SYNJ1: variants seen among roughly 807,000 people sequenced by gnomAD.
SYNJ1 encodes the protein polyphosphatidylinositol phosphatase SYNJ1.
A neutral mutation model predicts 168.2 loss-of-function variants in SYNJ1; 78 were observed. The ratio of observed to expected loss-of-function variants is 0.46; its 90% CI spans 0.39 to 0.56. The LOEUF is 0.56. Ranked by LOEUF, SYNJ1 falls within the 20% of genes least tolerant of loss-of-function variation. The probability of loss-of-function intolerance (pLI) is 0.00; values close to 1 mark genes in which losing one functional copy is unlikely to be tolerated. For synonymous variants in SYNJ1, 539 were observed against 548.6 expected, an observed-to-expected ratio of 0.98 and a Z score of 0.24; for missense variants, 1,303 against 1,597.6, an observed-to-expected ratio of 0.82 and a Z score of 3.14.
intron 6 of SYNJ1, among the ~76,000 whole-genome samples, chr21:32,692,325 C>G (rs1184068543): frequency 6.6e-6 from 1 of 152,106 alleles, no homozygotes; most frequent in Non-Finnish European, 1.5e-5. Context: ...GCCTGTAATC[C>G]CAGTCCTTTG....
At chr21:32,638,041 C>T (rs527440159) in intron 31 of SYNJ1, among the ~76,000 whole-genome samples, 1 of 152,198 alleles carries the variant, frequency 6.6e-6, no homozygotes, top group African/African-American at 2.4e-5. Context: ...TCAGATCTTT[C>T]CAAAGTGTAA....
rs939988492 is a variant in SYNJ1, at chr21:32,639,922, A to G, written c.3589-143T>C. 3 of 636,636 alleles carry G rather than the reference A, an allele frequency of 4.7e-6. No homozygotes were observed. The African/African-American group carries it at 5.5e-5, about 12-fold the overall frequency. The allele number at this position is 636,636 out of a possible 1,614,324, so 39.4% of individuals were successfully genotyped here. On this transcript the variant is annotated intron_variant, in intron 29 of 32. Transcript: ENST00000674351. ...GTCATTTTAAGTGCTCTCTACTTGA[A>G]GCCATTATAATGATGAATTTTAAAA...
At position 32,671,419 on chromosome 21, in the gene SYNJ1, A is replaced by T. The variant is rs111625850; in HGVS notation, c.1727-1047T>A. Reference sequence around the variant, plus strand: ...CTCATGCATACATCATCTTATTTAAACTGCCATAAAAACATCTTCTAAGAA... The same window carrying T: ...CTCATGCATACATCATCTTATTTAATCTGCCATAAAAACATCTTCTAAGAA... On this transcript the variant is annotated intron_variant, in intron 14 of 32. Transcript: ENST00000674351. Among the ~76,000 whole-genome samples, 114 of 152,350 alleles carry T rather than the reference A, an allele frequency of 7.5e-4. 1 individual carries two copies. The highest frequency in any genetic ancestry group is 2.6e-3 in the African/African-American group (109 of 41,586).
chr21:32,681,420 T>G, intron 11 of SYNJ1, 76 bp downstream of exon 11: 1 of 1,468,718 alleles, frequency 6.8e-7, no homozygotes, highest in Non-Finnish European at 9.1e-7. Context: ...TATTAACTTT[T>G]AAAAGGCCAT....
chr21:32,693,495 G>A (rs2146157786), intron 6 of SYNJ1, among the ~76,000 whole-genome samples: 2 of 152,226 alleles, frequency 1.3e-5, no homozygotes, highest in Middle Eastern at 6.8e-3. Context: ...AAGAGATCCA[G>A]CAGTCAAATA....
intron 6 of SYNJ1, among the ~76,000 whole-genome samples, chr21:32,692,111 C>CA (rs1460270567): frequency 6.6e-6 from 1 of 152,176 alleles, no homozygotes; most frequent in Non-Finnish European, 1.5e-5. Context: ...AACCTTAACT[C>CA]AGAGGATAGT....
chr21:32,634,388 T>C (rs2039469638), intron 32 of SYNJ1, among the ~76,000 whole-genome samples: 1 of 152,310 alleles, frequency 6.6e-6, no homozygotes, highest in East Asian at 1.9e-4. Flanking sequence ...GTTATACTGG[T>C]AACTTTCATC....
chr21:32,704,603 G>C (rs963339898), intron 2 of SYNJ1, among the ~76,000 whole-genome samples: 2 of 152,134 alleles, frequency 1.3e-5, no homozygotes, highest in African/African-American at 4.8e-5. Context: ...GGTGAGGAGA[G>C]GACTGTCCAC....
At position 32,726,775 on chromosome 21, in the gene SYNJ1, G is replaced by A. The variant is rs745374780; in HGVS notation, c.121C>T (p.Leu41Phe). 3.7e-6 allele frequency: 6 copies of A among 1,614,120 alleles called. No homozygotes were observed. In the South Asian group the frequency reaches 5.5e-5, roughly 15 times the overall value. The change falls in exon 2 of 33, where the codon CTC (leucine) becomes TTC (phenylalanine). Residue 41 changes from leucine (L) to phenylalanine (F), a missense_variant. Coordinates refer to ENST00000674351, the MANE Select transcript of SYNJ1 (RefSeq NM_203446.3). ...LMFESGAVAV[L>F]SSAEKEAIKG... ...TGGGCTCTAACAGATGACTTACAGAGCACAGCGACAGCCCCAGACTCGAAC... is the reference window on the plus strand; with the variant it reads ...TGGGCTCTAACAGATGACTTACAGAACACAGCGACAGCCCCAGACTCGAAC...
chr21:32,720,061 G>C (rs954380414), intron 2 of SYNJ1, among the ~76,000 whole-genome samples: 5 of 152,068 alleles, frequency 3.3e-5, no homozygotes, highest in Admixed American at 6.6e-5. Context: ...CCAACATGGA[G>C]AAACCCCGTC....
chr21:32,679,661 A>G (rs2041547808), intron 11 of SYNJ1, among the ~76,000 whole-genome samples: 1 of 152,154 alleles, frequency 6.6e-6, no homozygotes, highest in Admixed American at 6.5e-5. Flanking sequence ...ATAAAGAGCC[A>G]ATTTTCTTAA....
Position 32,721,680 on chromosome 21 carries a change from G to GA in SYNJ1, c.124+5091dup, listed in dbSNP as rs79791733. ...GGTGACAGAGCAAGACTCCATCTTG[G>GA]AAAAAAAAAAAAAGTAATTTTGAAA... is the stretch of plus-strand genomic sequence containing the variant. On this transcript the variant is annotated intron_variant, in intron 2 of 32. Transcript: ENST00000674351. Among the ~76,000 whole-genome samples, 559 of 135,456 alleles carry GA rather than the reference G, an allele frequency of 4.1e-3. 1 individual carries two copies. Among genetic ancestry groups the GA allele is most frequent in the Admixed American group, 6.3e-3 (86 of 13,606 alleles). 88.9% of individuals were successfully genotyped at this position (135,456 alleles called of 152,430 possible).
Position 32,696,339 on chromosome 21 carries a change from C to A in SYNJ1, c.480-1057G>T, listed in dbSNP as rs2042213449. Among the ~76,000 whole-genome samples the A allele has an allele frequency of 2.6e-5, 4 of 152,194 alleles. No homozygotes were observed. The South Asian group carries it at 8.3e-4, about 32-fold the overall frequency. ...GGTTTCCAAACTTTTTTCAGAGAAA[C>A]AAATTTTATTCAAACAAACATGCAG... On this transcript the variant is annotated intron_variant, in intron 4 of 32. Coordinates refer to ENST00000674351, the MANE Select transcript of SYNJ1 (RefSeq NM_203446.3).
At chr21:32,726,389 GATA>G (rs910734374) in intron 2 of SYNJ1, among the ~76,000 whole-genome samples, 5 of 152,096 alleles carry the variant, frequency 3.3e-5, no homozygotes, top group East Asian at 1.9e-4. Flanking sequence ...AACAATATTG[GATA>G]ATATTAGATA....
At chr21:32,714,056 C>T (rs1425526466) in intron 2 of SYNJ1, among the ~76,000 whole-genome samples, 2 of 152,080 alleles carry the variant, frequency 1.3e-5, no homozygotes, top group African/African-American at 2.4e-5. Flanking sequence ...ATATATCAAG[C>T]TGTATGTTTA....
chr21:32,720,447 A>C (rs2043179648), intron 2 of SYNJ1, among the ~76,000 whole-genome samples: 1 of 152,218 alleles, frequency 6.6e-6, no homozygotes, highest in Non-Finnish European at 1.5e-5. Context: ...AAGATCTCAG[A>C]ATATCATCCT....
intron 2 of SYNJ1, among the ~76,000 whole-genome samples, chr21:32,713,851 T>C (rs1701484596): frequency 6.6e-6 from 1 of 152,228 alleles, no homozygotes; most frequent in African/African-American, 2.4e-5. Context: ...ACTCCATTTA[T>C]GTTAAGCTGA....
chr21:32,719,490 G>C (rs1449258956), intron 2 of SYNJ1, among the ~76,000 whole-genome samples: 4 of 152,192 alleles, frequency 2.6e-5, no homozygotes, highest in Admixed American at 2.6e-4. Context: ...ATGGTGGGCA[G>C]ATCACCTGAG....
Position 32,712,233 on chromosome 21 carries a change from G to T in SYNJ1, c.125-10186C>A, listed in dbSNP as rs546043820. Among the ~76,000 whole-genome samples the T allele has an allele frequency of 3.3e-5, 5 of 152,310 alleles. No homozygotes were observed. In the South Asian group the frequency reaches 1.0e-3, roughly 32 times the overall value. On this transcript the variant is annotated intron_variant, in intron 2 of 32. Transcript: ENST00000674351. ...CCTGTGGTTGCATGCACTGCAGTTT[G>T]TGGTGAGCTTATTTGCATGCAGACA...
Sources: allele counts gnomAD v4.1 joint callset (sites outside exome capture counted in the v4.1 genomes callset), GRCh38; gene constraint gnomAD v4.1.1; transcripts MANE v1.5; gene names NCBI Gene and HGNC (gene_info 2026-07-23, HGNC 2026-07-21).